Variants in TMEM131 observed in about 807,000 individuals in gnomAD.
TMEM131 encodes transmembrane protein 131.
A neutral mutation model predicts 211.6 loss-of-function variants in TMEM131; 66 were observed. The ratio of observed to expected loss-of-function variants is 0.31; its 90% CI spans 0.26 to 0.38. The LOEUF (loss-of-function observed/expected upper bound fraction) is 0.38. Ranked by LOEUF, TMEM131 falls within the 10% of genes least tolerant of loss-of-function variation. The pLI is 1.00. For missense variants in TMEM131, 2,036 were observed against 2,299.3 expected (o/e 0.89, Z 2.34); for synonymous variants, 844 against 841.3 (o/e 1.00, Z -0.06).
chr2:97,985,892 T>C (rs1332517066), intron 1 of TMEM131, among the ~76,000 whole-genome samples: 1 of 151,464 alleles, frequency 6.6e-6, no homozygotes, highest in East Asian at 1.9e-4. Context: ...ACATAAAATA[T>C]TGGTGAATAT....
rs1356702490 is a variant in TMEM131 at position 97,757,342 on chromosome 2, T to C, written c.5409A>G (p.Pro1803=). Residue 1803 remains proline (P), a synonymous_variant, in exon 41 of 41, where the codon CCA becomes CCG. Transcript: ENST00000186436. The stretch of plus-strand genomic sequence containing the variant: ...TGCTGGACCAAATGGAGCTGCTGAA[T>C]GGAGTGGTGGACCACAGGCCGCTGG... ...GNTSGLWSTT[P]FSSSIWSSNL... 1.2e-6 allele frequency: 2 copies of C among 1,612,726 alleles called. No homozygotes were observed. The highest frequency in any genetic ancestry group is 2.2e-5 in the East Asian group (1 of 44,858).
At chr2:97,824,376 T>C (rs573874352) in intron 11 of TMEM131, among the ~76,000 whole-genome samples, 2 of 152,354 alleles carry the variant, frequency 1.3e-5, no homozygotes, top group African/African-American at 4.8e-5. Flanking sequence ...TGGACACTGG[T>C]GCAGCCTTCT....
At chr2:97,911,784 A>G (rs1396476421) in intron 2 of TMEM131, 1 of 324,304 alleles carries the variant, frequency 3.1e-6, no homozygotes, top group African/African-American at 2.2e-5. Flanking sequence ...ATCTCAGAAC[A>G]TGCCAACACA....
chr2:97,821,377 G>C (rs1219541933), intron 11 of TMEM131, among the ~76,000 whole-genome samples: 5 of 152,182 alleles, frequency 3.3e-5, no homozygotes, highest in Admixed American at 6.5e-5. Context: ...CAATCAGCAG[G>C]ACGCGGGCAG....
chr2:97,952,082 G>A (rs1018371393), intron 1 of TMEM131, among the ~76,000 whole-genome samples: 8 of 151,832 alleles, frequency 5.3e-5, no homozygotes, highest in African/African-American at 1.2e-4. Flanking sequence ...GCTTGAACCC[G>A]GGAGGCGGAG....
intron 4 of TMEM131, among the ~76,000 whole-genome samples, chr2:97,881,439 C>A (rs1227116523): frequency 4.0e-5 from 6 of 151,780 alleles, no homozygotes; most frequent in Non-Finnish European, 8.8e-5. Flanking sequence ...AACTCTTGAG[C>A]TCAAGCAATC....
In TMEM131 at chr2:97,879,610, G is replaced by A. The variant is rs776840505; in HGVS notation, c.359+8442C>T. ...TGAGGGTCCACACGGATTTTCTTCCGCCTCTGCCACCTGTGACAGCAAGAC... is the reference window on the plus strand; with the variant it reads ...TGAGGGTCCACACGGATTTTCTTCCACCTCTGCCACCTGTGACAGCAAGAC... On this transcript the variant is annotated intron_variant, in intron 4 of 40. Coordinates refer to ENST00000186436, the MANE Select transcript of TMEM131 (RefSeq NM_015348.2). Among the ~76,000 whole-genome samples, 21 of 152,098 alleles carry A rather than the reference G, an allele frequency of 1.4e-4. 1 individual carries two copies. The highest frequency in any genetic ancestry group is 6.3e-3 in the Middle Eastern group (2 of 316).
At chr2:97,796,770 G>A in intron 27 of TMEM131, 74 bp downstream of exon 27, 3 of 1,453,932 alleles carry the variant, frequency 2.1e-6, no homozygotes, top group Non-Finnish European at 2.8e-6. Context: ...CAGAAATAAT[G>A]TTGTTTTTGA....
chr2:97,775,714 G>T, intron 32 of TMEM131, 129 bp downstream of exon 32: 1 of 1,043,032 alleles, frequency 9.6e-7, no homozygotes, highest in Non-Finnish European at 1.4e-6. Context: ...CCATTCCTCA[G>T]TAGGTGCTCA....
intron 1 of TMEM131, among the ~76,000 whole-genome samples, chr2:97,937,775 A>G (rs1023860499): frequency 5.3e-5 from 8 of 152,322 alleles, no homozygotes; most frequent in Non-Finnish European, 1.0e-4. Flanking sequence ...TCAATATCCC[A>G]CTTTCAAACA....
intron 28 of TMEM131, among the ~76,000 whole-genome samples, 180 bp downstream of exon 28, chr2:97,796,037 GA>G (rs1441800733): frequency 6.6e-6 from 1 of 151,234 alleles, no homozygotes; most frequent in African/African-American, 2.4e-5. Flanking sequence ...AAGATTAAGT[GA>G]AAAAAAATTT....
chr2:97,939,218 C>T (rs1172565986), intron 1 of TMEM131, among the ~76,000 whole-genome samples: 2 of 152,034 alleles, frequency 1.3e-5, no homozygotes, highest in Non-Finnish European at 2.9e-5. Flanking sequence ...AAAAACCCTT[C>T]AAAAAATCAA....
intron 11 of TMEM131, among the ~76,000 whole-genome samples, chr2:97,821,045 GC>G (rs764631263): frequency 6.6e-6 from 1 of 152,132 alleles, no homozygotes; most frequent in Non-Finnish European, 1.5e-5. Context: ...CACAGATATG[GC>G]TCCTGAAGTT....
At chr2:97,757,706 G>A (rs1678573741) in intron 40 of TMEM131, among the ~76,000 whole-genome samples, 1 of 152,054 alleles carries the variant, frequency 6.6e-6, no homozygotes, top group African/African-American at 2.4e-5. Flanking sequence ...GGCTAGTTGT[G>A]ATATTTTAAA....
chr2:97,843,025 T>C (rs535871959), intron 6 of TMEM131, among the ~76,000 whole-genome samples: 7 of 149,750 alleles, frequency 4.7e-5, no homozygotes, highest in African/African-American at 1.7e-4. Context: ...CCTTATTTTA[T>C]ATGATATGTC....
At chr2:97,834,717 C>T in intron 9 of TMEM131, 40 bp from the exon 10 acceptor site, 1 of 1,595,596 alleles carries the variant, frequency 6.3e-7, no homozygotes, top group South Asian at 1.2e-5. Flanking sequence ...TTTCACTTTG[C>T]CAGAGTAAGC....
chr2:97,873,729 T>G (rs1363817729), intron 4 of TMEM131, among the ~76,000 whole-genome samples: 2 of 151,974 alleles, frequency 1.3e-5, no homozygotes, highest in Non-Finnish European at 2.9e-5. Context: ...GTCACCAACA[T>G]CAAAGACCAA....
intron 5 of TMEM131, among the ~76,000 whole-genome samples, chr2:97,847,505 T>C (rs1300580849): frequency 6.6e-6 from 1 of 152,134 alleles, no homozygotes; most frequent in Non-Finnish European, 1.5e-5. Flanking sequence ...AGCTGAAAAC[T>C]ATAAAACACT....
At chr2:97,849,610 C>CA (rs1292216671) in intron 5 of TMEM131, among the ~76,000 whole-genome samples, 1 of 150,820 alleles carries the variant, frequency 6.6e-6, no homozygotes, top group Non-Finnish European at 1.5e-5. Context: ...AATTTCACTG[C>CA]AAGTATACTA....
Sources: gnomAD v4.1 joint callset for allele counts (sites outside exome capture counted in the v4.1 genomes callset) on GRCh38, gnomAD v4.1.1 for gene constraint, MANE v1.5 for transcripts, NCBI Gene and HGNC (gene_info 2026-07-23, HGNC 2026-07-21) for gene names.